Variants in CTNND2 observed in about 807,000 individuals in gnomAD.
CTNND2 encodes the protein catenin delta 2.
In CTNND2, 22 loss-of-function variants were observed where a neutral mutation model predicts 144.4. That is an observed-to-expected ratio of 0.15 (90% CI 0.11 to 0.22). CTNND2 has a LOEUF of 0.22. Among genes scored for constraint, CTNND2 ranks in the 10% least tolerant of loss-of-function variants. CTNND2 has a pLI of 1.00. For missense variants in CTNND2, 1,353 were observed against 1,618.8 expected, an observed-to-expected ratio of 0.84 and a Z score of 2.82; for synonymous variants, 751 against 695.6, an observed-to-expected ratio of 1.08 and a Z score of -1.25.
At chr5:11,159,847 T>C (rs1278036194) in intron 11 of CTNND2, 88 bp from the exon 12 acceptor site, 4 of 1,071,564 alleles carry the variant, frequency 3.7e-6, no homozygotes, top group Non-Finnish European at 5.4e-6. Flanking sequence ...TTAACGGAAC[T>C]GGCAGGAAGG....
At chr5:11,691,620 G>C (rs891915290) in intron 2 of CTNND2, among the ~76,000 whole-genome samples, 2 of 151,914 alleles carry the variant, frequency 1.3e-5, no homozygotes, top group African/African-American at 2.4e-5. Flanking sequence ...AGAAAAGTAA[G>C]AAGCAAGTTG....
At chr5:11,445,334 A>T (rs1764702614) in intron 3 of CTNND2, among the ~76,000 whole-genome samples, 1 of 152,162 alleles carries the variant, frequency 6.6e-6, no homozygotes, top group Non-Finnish European at 1.5e-5. Flanking sequence ...TCTCATCCTA[A>T]CTTGATTACA....
At chr5:11,627,413 T>C (rs535396338) in intron 2 of CTNND2, among the ~76,000 whole-genome samples, 2 of 152,270 alleles carry the variant, frequency 1.3e-5, no homozygotes, top group South Asian at 2.1e-4. Flanking sequence ...TTTTTAACAA[T>C]TGGTTTTAAC....
intron 3 of CTNND2, among the ~76,000 whole-genome samples, chr5:11,478,686 G>C (rs1295547554): frequency 1.3e-5 from 2 of 152,104 alleles, no homozygotes; most frequent in Non-Finnish European, 2.9e-5. Flanking sequence ...TAATAATTAT[G>C]CATTTTATTT....
chr5:11,342,413 G>A (rs1754369725), intron 9 of CTNND2, among the ~76,000 whole-genome samples: 1 of 152,048 alleles, frequency 6.6e-6, no homozygotes, highest in Non-Finnish European at 1.5e-5. Flanking sequence ...CTATAATTTG[G>A]GCCCAGCATC....
intron 9 of CTNND2, among the ~76,000 whole-genome samples, chr5:11,248,961 C>T (rs1250807980): frequency 6.6e-6 from 1 of 152,206 alleles, no homozygotes; most frequent in Non-Finnish European, 1.5e-5. Flanking sequence ...AGCAGAGATA[C>T]TTCCTCTAAA....
chr5:11,669,976 C>T (rs1002906637), intron 2 of CTNND2, among the ~76,000 whole-genome samples: 3 of 152,156 alleles, frequency 2.0e-5, no homozygotes, highest in African/African-American at 7.2e-5. Context: ...TTTCAAAGAA[C>T]ATCTTTATTT....
chr5:11,822,908 T>C (rs974112125), intron 1 of CTNND2, among the ~76,000 whole-genome samples: 1 of 152,178 alleles, frequency 6.6e-6, no homozygotes, highest in Non-Finnish European at 1.5e-5. Flanking sequence ...ATCTAAGCCA[T>C]GTCCAGATTC....
chr5:11,745,645 A>G (rs2126774422), intron 1 of CTNND2, among the ~76,000 whole-genome samples: 1 of 152,308 alleles, frequency 6.6e-6, no homozygotes, highest in Non-Finnish European at 1.5e-5. Flanking sequence ...CAAATTCAGC[A>G]TGAGTCCAAG....
In CTNND2 at chr5:11,386,600, ATGCAGAG is replaced by A. The variant is rs1238932346; in HGVS notation, c.613-1378_613-1372del. Among the ~76,000 whole-genome samples, 9 of 152,334 alleles carry A rather than the reference ATGCAGAG, an allele frequency of 5.9e-5. No homozygotes were observed. In the East Asian group the frequency reaches 1.7e-3, roughly 29 times the overall value. Reference sequence around the variant, plus strand: ...AACAGTTTGGTGAGAGACTTTCTCTATGCAGAGTGTGTGTATGTGTATGCATATGTAT... The same window carrying A: ...AACAGTTTGGTGAGAGACTTTCTCTATGTGTGTATGTGTATGCATATGTAT... On this transcript the variant is annotated intron_variant, in intron 6 of 21. Transcript: ENST00000304623.
chr5:11,149,158 G>A (rs1757512767), intron 12 of CTNND2, among the ~76,000 whole-genome samples: 1 of 152,210 alleles, frequency 6.6e-6, no homozygotes. Context: ...CGATGCTTTT[G>A]CTTACCTGAA....
chr5:11,419,779 C>CAA (rs1239270014), intron 3 of CTNND2, among the ~76,000 whole-genome samples: 1 of 152,136 alleles, frequency 6.6e-6, no homozygotes, highest in Non-Finnish European at 1.5e-5. Flanking sequence ...GGAAAAGACA[C>CAA]AAAGCAAACC....
At chr5:11,449,115 G>T (rs1479822529) in intron 3 of CTNND2, among the ~76,000 whole-genome samples, 1 of 151,822 alleles carries the variant, frequency 6.6e-6, no homozygotes, top group Non-Finnish European at 1.5e-5. Context: ...ATTTTCATTT[G>T]CTGTGAATTT....
At chr5:11,880,525 C>CTAG (rs1161797985) in intron 1 of CTNND2, among the ~76,000 whole-genome samples, 6 of 145,412 alleles carry the variant, frequency 4.1e-5, no homozygotes, top group Non-Finnish European at 7.5e-5. Context: ...ACCACTACTA[C>CTAG]TACTACCACC....
chr5:11,792,404 G>C (rs1262743720), intron 1 of CTNND2, among the ~76,000 whole-genome samples: 1 of 152,176 alleles, frequency 6.6e-6, no homozygotes, highest in East Asian at 1.9e-4. Flanking sequence ...AACTAGTTCT[G>C]AGGCTTATGT....
chr5:11,059,134 G>A (rs1746651754), intron 16 of CTNND2, among the ~76,000 whole-genome samples: 1 of 152,174 alleles, frequency 6.6e-6, no homozygotes, highest in African/African-American at 2.4e-5. Flanking sequence ...GGACTCTTGG[G>A]AAGGCATGAT....
intron 2 of CTNND2, among the ~76,000 whole-genome samples, chr5:11,674,099 G>A (rs939331644): frequency 6.6e-6 from 1 of 152,168 alleles, no homozygotes; most frequent in Non-Finnish European, 1.5e-5. Context: ...TCCCAAGCAA[G>A]TCTACAGTGT....
intron 1 of CTNND2, among the ~76,000 whole-genome samples, chr5:11,835,295 A>G (rs1794118567): frequency 6.6e-6 from 1 of 152,226 alleles, no homozygotes; most frequent in South Asian, 2.1e-4. Flanking sequence ...CTGAGTTGGT[A>G]TCAGGGTAAT....
chr5:11,162,258 G>A (rs531087939), intron 11 of CTNND2, among the ~76,000 whole-genome samples: 1 of 152,242 alleles, frequency 6.6e-6, no homozygotes, highest in Non-Finnish European at 1.5e-5. Flanking sequence ...TGAGAATACA[G>A]CTATTTTTAC....
Sources: allele counts gnomAD v4.1 joint callset (sites outside exome capture counted in the v4.1 genomes callset), GRCh38; gene constraint gnomAD v4.1.1; transcripts MANE v1.5; gene names NCBI Gene and HGNC (gene_info 2026-07-23, HGNC 2026-07-21).